The following CSMD1 variants were observed in gnomAD, a reference collection of about 807,000 sequenced individuals.
CSMD1 encodes CUB and Sushi multiple domains 1, also known as CUB and sushi domain-containing protein 1.
Under a neutral mutation model 417.5 loss-of-function variants are expected in CSMD1, and 213 were observed. The observed-to-expected ratio is 0.51, with a 90% CI of 0.46 to 0.57. CSMD1 has a LOEUF of 0.57. CSMD1 is among the 20% of genes least tolerant of loss of function. CSMD1 has a pLI of 0.00. For synonymous variants in CSMD1, 2,862 were observed against 1,736.8 expected (o/e 1.65, Z -16.11); for missense variants, 6,923 against 4,529.7 (o/e 1.53, Z -15.17).
intron 4 of CSMD1, among the ~76,000 whole-genome samples, chr8:4,019,609 G>A (rs754557127): frequency 6.6e-5 from 10 of 152,164 alleles, no homozygotes; most frequent in African/African-American, 2.2e-4. Context: ...GTTGTCAGAA[G>A]ACAAGTGATT....
intron 3 of CSMD1, among the ~76,000 whole-genome samples, chr8:4,418,748 C>T (rs11136742): frequency 0.2 from 30,949 of 151,238 alleles, 3,396 homozygotes; most frequent in African/African-American, 0.25. Context: ...ATAACATCCA[C>T]TGATCTTCAA....
At chr8:4,361,540 A>G (rs543423179) in intron 3 of CSMD1, among the ~76,000 whole-genome samples, 1 of 152,320 alleles carries the variant, frequency 6.6e-6, no homozygotes, top group Non-Finnish European at 1.5e-5. Flanking sequence ...CCACGGTCCT[A>G]CAAAGTTAAA....
intron 5 of CSMD1, among the ~76,000 whole-genome samples, chr8:3,958,653 G>C (rs1299240405): frequency 7.2e-5 from 11 of 151,974 alleles, no homozygotes; most frequent in Admixed American, 7.2e-4. Context: ...ATACAAATTA[G>C]CCTATAAAAA....
chr8:3,100,326 T>G (rs759506652), intron 46 of CSMD1, among the ~76,000 whole-genome samples: 4 of 152,222 alleles, frequency 2.6e-5, no homozygotes, highest in African/African-American at 7.2e-5. Context: ...ATGCTCGGCC[T>G]AAGAAGCATT....
At chr8:3,816,913 G>A (rs1395194896) in intron 5 of CSMD1, among the ~76,000 whole-genome samples, 1 of 152,038 alleles carries the variant, frequency 6.6e-6, no homozygotes, top group Non-Finnish European at 1.5e-5. Flanking sequence ...AATTCTATAT[G>A]GTCCTCCCTA....
Position 4,860,447 on chromosome 8 carries a change from C to T in CSMD1, c.85+133885G>A, listed in dbSNP as rs181984579. ...AAGTGTGTGCCACTCCACCCTTGCTCTCTTGGCCCTGCTCTCGCCATGTAA... is the reference window on the plus strand; with the variant it reads ...AAGTGTGTGCCACTCCACCCTTGCTTTCTTGGCCCTGCTCTCGCCATGTAA... On this transcript the variant is annotated intron_variant, in intron 1 of 69. Coordinates refer to ENST00000635120, the MANE Select transcript of CSMD1 (RefSeq NM_033225.6). Among the ~76,000 whole-genome samples the T allele has an allele frequency of 4.3e-4, 65 of 151,898 alleles. 1 individual carries two copies. Among genetic ancestry groups the T allele is most frequent in the African/African-American group, 1.5e-3 (62 of 41,370 alleles).
intron 1 of CSMD1, among the ~76,000 whole-genome samples, chr8:4,711,202 G>C (rs1333921824): frequency 6.7e-6 from 1 of 150,028 alleles, no homozygotes; most frequent in Non-Finnish European, 1.5e-5. Context: ...TACTTGGAAA[G>C]GCAAATTTGA....
chr8:3,621,919 T>TA (rs1796261845), intron 7 of CSMD1, among the ~76,000 whole-genome samples: 1 of 151,962 alleles, frequency 6.6e-6, no homozygotes, highest in Non-Finnish European at 1.5e-5. Flanking sequence ...AGTGTATGCT[T>TA]ATAATGGTTA....
intron 3 of CSMD1, among the ~76,000 whole-genome samples, chr8:4,308,915 G>A (rs1452213548): frequency 6.6e-6 from 1 of 152,136 alleles, no homozygotes; most frequent in South Asian, 2.1e-4. Context: ...AAATATCAAA[G>A]GTCCATTTAT....
In CSMD1 at chr8:3,411,979, C is replaced by T. The variant is rs1200001011; in HGVS notation, c.1562-2374G>A. 2.1e-3 allele frequency among the ~76,000 whole-genome samples: 98 copies of T among 45,734 alleles called. 19 individuals are homozygous for T. The highest frequency in any genetic ancestry group is 7.6e-3 in the African/African-American group (87 of 11,424). The allele number at this position is 45,734 out of a possible 152,430, so 30.0% of individuals were successfully genotyped here. ...ACACGTATATATGCACGTATATATA[C>T]ACGTATATATACGTGTATATACACG... On this transcript the variant is annotated intron_variant, in intron 12 of 69. Transcript: ENST00000635120.
chr8:4,118,890 AC>A, intron 3 of CSMD1, among the ~76,000 whole-genome samples: 1 of 152,334 alleles, frequency 6.6e-6, no homozygotes, highest in Non-Finnish European at 1.5e-5. Flanking sequence ...GCACATATAC[AC>A]CATGGAATAC....
In CSMD1 at chr8:3,157,891, C is replaced by T; in HGVS notation, c.5914+6G>A. 2 of 1,550,758 alleles carry T rather than the reference C, an allele frequency of 1.3e-6. No individual in the cohort carries two copies. The highest frequency in any genetic ancestry group is 8.7e-7 in the Non-Finnish European group (1 of 1,145,714). Reference sequence around the variant, plus strand: ...AGCAGCAGAGTTACAGAAGGTGCATCCTTACCAATGCACAGGGGAGACGGA... The same window carrying T: ...AGCAGCAGAGTTACAGAAGGTGCATTCTTACCAATGCACAGGGGAGACGGA... On this transcript the variant is annotated splice_donor_region_variant and intron_variant, in intron 39 of 69. Transcript: ENST00000635120.
At chr8:4,056,661 A>G (rs1585220219) in intron 3 of CSMD1, among the ~76,000 whole-genome samples, 4 of 151,762 alleles carry the variant, frequency 2.6e-5, no homozygotes, top group African/African-American at 9.7e-5. Context: ...CATTAGGTAT[A>G]TCTCCTCATG....
intron 3 of CSMD1, among the ~76,000 whole-genome samples, chr8:4,164,196 G>A (rs779124987): frequency 5.4e-5 from 5 of 93,408 alleles, no homozygotes; most frequent in East Asian, 5.2e-4. Context: ...CAGGATTTTT[G>A]GAAGAAAAAA....
chr8:4,815,762 T>A (rs1200190504), intron 1 of CSMD1, among the ~76,000 whole-genome samples: 2 of 147,576 alleles, frequency 1.4e-5, no homozygotes, highest in African/African-American at 5.0e-5. Context: ...GGAGTTTATA[T>A]AATAAACACA....
intron 5 of CSMD1, among the ~76,000 whole-genome samples, chr8:3,922,256 C>T (rs1809328675): frequency 6.6e-6 from 1 of 151,874 alleles, no homozygotes; most frequent in South Asian, 2.1e-4. Context: ...TACTTTCAAC[C>T]TATGTGTGCT....
At chr8:3,574,314 C>G (rs561059248) in intron 10 of CSMD1, among the ~76,000 whole-genome samples, 3 of 152,202 alleles carry the variant, frequency 2.0e-5, no homozygotes, top group Non-Finnish European at 4.4e-5. Flanking sequence ...GATCTTGGCC[C>G]ACTTCAAGCT....
intron 2 of CSMD1, among the ~76,000 whole-genome samples, chr8:4,445,269 T>C (rs956641025): frequency 6.6e-6 from 1 of 152,206 alleles, no homozygotes; most frequent in Admixed American, 6.5e-5. Context: ...ATATGTTCTC[T>C]GTCATTACCT....
intron 25 of CSMD1, among the ~76,000 whole-genome samples, chr8:3,296,021 A>G (rs1339100179): frequency 6.6e-6 from 1 of 152,076 alleles, no homozygotes; most frequent in Non-Finnish European, 1.5e-5. Context: ...ACAATAATAC[A>G]GGGAAGAGAC....
Sources: allele counts gnomAD v4.1 joint callset (sites outside exome capture counted in the v4.1 genomes callset), GRCh38; gene constraint gnomAD v4.1.1; transcripts MANE v1.5; gene names NCBI Gene and HGNC (gene_info 2026-07-23, HGNC 2026-07-21).